Variants in KAZN observed in about 807,000 individuals in gnomAD.
KAZN encodes the protein kazrin.
In KAZN, 40 loss-of-function variants were observed where a neutral mutation model predicts 87.4. The observed-to-expected ratio is 0.46, with a 90% CI of 0.36 to 0.60. KAZN has a LOEUF of 0.60. Ranked by LOEUF, KAZN falls within the 20% of genes least tolerant of loss-of-function variation. The probability of loss-of-function intolerance (pLI) is 0.00; values close to 1 mark genes in which losing one functional copy is unlikely to be tolerated. For missense variants in KAZN, 898 were observed against 1,073.9 expected (o/e 0.84, Z 2.29); for synonymous variants, 466 against 458.3 (o/e 1.02, Z -0.22).
Position 14,870,200 on chromosome 1 carries a change from C to T in KAZN, c.227-90484C>T, listed in dbSNP as rs551840491. 6.2e-4 allele frequency among the ~76,000 whole-genome samples: 95 copies of T among 152,234 alleles called. 1 individual carries two copies. The highest frequency in any genetic ancestry group is 2.3e-3 in the African/African-American group (94 of 41,548). ...GGCCTGGATACTGGGAAAAATCAGA[C>T]CCTTCTACTCAAAACCAAAAGACCA... is the stretch of plus-strand genomic sequence containing the variant. On this transcript the variant is annotated intron_variant, in intron 1 of 14. Transcript: ENST00000376030.
chr1:14,742,964 C>T (rs1644151699), intron 1 of KAZN, among the ~76,000 whole-genome samples: 1 of 113,958 alleles, frequency 8.8e-6, no homozygotes. Context: ...ACAGATGCTC[C>T]TGCACTCACC....
intron 1 of KAZN, among the ~76,000 whole-genome samples, chr1:14,092,482 AAC>A (rs1203089526): frequency 3.3e-5 from 5 of 150,666 alleles, no homozygotes; most frequent in Admixed American, 6.6e-5. Context: ...ACACACACAC[AAC>A]ACACACATAT....
rs1039940341 is a variant in KAZN, at chr1:14,146,905, T to C, written c.92-33530T>C. ...ATCCTTGAACAACATAGGTTGGAAC[T>C]GTGTGGGTCCGCTTCTTCCACTTCT... On this transcript the variant is annotated intron_variant, in intron 1 of 16. Coordinates refer to the KAZN transcript ENST00000636203. Among the ~76,000 whole-genome samples, 9 of 152,164 alleles carry C rather than the reference T, an allele frequency of 5.9e-5. No individual in the cohort carries two copies. In the South Asian group the frequency reaches 8.3e-4, roughly 14 times the overall value.
At chr1:14,618,397 A>G (rs372099070) in intron 1 of KAZN, among the ~76,000 whole-genome samples, 3 of 152,220 alleles carry the variant, frequency 2.0e-5, no homozygotes, top group Admixed American at 1.3e-4. Context: ...TTTATTCTGT[A>G]CATATTTCTT....
chr1:14,032,434 G>A (rs1641367548), intron 1 of KAZN, among the ~76,000 whole-genome samples: 1 of 152,146 alleles, frequency 6.6e-6, no homozygotes, highest in Non-Finnish European at 1.5e-5. Context: ...CCCAGAGCCT[G>A]TGCCCTTAAC....
At chr1:14,838,530 A>G (rs1647552546) in intron 1 of KAZN, among the ~76,000 whole-genome samples, 1 of 152,162 alleles carries the variant, frequency 6.6e-6, no homozygotes, top group Admixed American at 6.5e-5. Flanking sequence ...GTTCAGCTTC[A>G]CAAAACCATG....
chr1:15,070,295 C>A (rs146862067), intron 8 of KAZN, among the ~76,000 whole-genome samples: 1 of 152,356 alleles, frequency 6.6e-6, no homozygotes, highest in East Asian at 1.9e-4. Flanking sequence ...TTTCCATCAG[C>A]CTTTTCCCCG....
intron 2 of KAZN, among the ~76,000 whole-genome samples, chr1:14,279,371 C>T (rs1212408552): frequency 1.3e-5 from 2 of 152,222 alleles, no homozygotes; most frequent in African/African-American, 4.8e-5. Flanking sequence ...CCTCTCCACC[C>T]TCATGTGCAC....
intron 1 of KAZN, among the ~76,000 whole-genome samples, chr1:14,726,372 T>G (rs540698565): frequency 6.6e-6 from 1 of 152,280 alleles, no homozygotes; most frequent in East Asian, 1.9e-4. Flanking sequence ...ATTGTCCCTG[T>G]TCCCCACCAG....
chr1:15,015,742 C>G (rs1465687967), intron 2 of KAZN, among the ~76,000 whole-genome samples: 3 of 152,146 alleles, frequency 2.0e-5, no homozygotes, highest in Non-Finnish European at 4.4e-5. Flanking sequence ...TGGTGACCAC[C>G]ATCCCTTCTG....
intron 1 of KAZN, among the ~76,000 whole-genome samples, chr1:14,165,694 G>A (rs1175956234): frequency 6.6e-6 from 1 of 152,180 alleles, no homozygotes; most frequent in African/African-American, 2.4e-5. Flanking sequence ...CCTCAGACTT[G>A]GAGCAGTTCT....
intron 2 of KAZN, among the ~76,000 whole-genome samples, chr1:14,563,897 CAG>C (rs1444906880): frequency 3.8e-5 from 1 of 26,130 alleles, no homozygotes; most frequent in South Asian, 2.0e-3. Flanking sequence ...TTGTCTGAGA[CAG>C]AGTCTTGCTC....
intron 2 of KAZN, among the ~76,000 whole-genome samples, chr1:14,326,854 T>C (rs962700933): frequency 1.1e-4 from 16 of 151,864 alleles, no homozygotes; most frequent in African/African-American, 3.9e-4. Context: ...ATTTTTCTGA[T>C]GATCCCACAT....
intron 1 of KAZN, among the ~76,000 whole-genome samples, chr1:14,052,608 G>A (rs540663017): frequency 1.3e-5 from 2 of 152,294 alleles, no homozygotes; most frequent in East Asian, 3.9e-4. Flanking sequence ...GGGGTCAAAT[G>A]CTTTGGGCCC....
chr1:14,401,812 TATAATTTAAAAAATAAAACCAA>T (rs1317116885), intron 2 of KAZN, among the ~76,000 whole-genome samples: 1 of 152,104 alleles, frequency 6.6e-6, no homozygotes, highest in East Asian at 1.9e-4. Context: ...CACACTTATT[TATAATTTAAAAAATAAAACCAA>T]ACACCTCTTA....
chr1:14,190,390 A>C (rs1429147506), intron 2 of KAZN, among the ~76,000 whole-genome samples: 2 of 152,122 alleles, frequency 1.3e-5, no homozygotes, highest in African/African-American at 4.8e-5. Flanking sequence ...TCTATTTTAC[A>C]GGTGAGGAAA....
At chr1:14,215,634 T>C (rs1189475572) in intron 2 of KAZN, among the ~76,000 whole-genome samples, 3 of 152,220 alleles carry the variant, frequency 2.0e-5, no homozygotes, top group Non-Finnish European at 2.9e-5. Context: ...AAAACTGCTA[T>C]AGGTCTGGCG....
rs137946214 is a variant in KAZN at position 14,577,777 on chromosome 1, T to C, written c.250-21206T>C. Reference sequence around the variant, plus strand: ...ATTCCTGACCATTGACAAAGCTTTTTCACATCCAGCAACACTTTGAATTTC... The same window carrying C: ...ATTCCTGACCATTGACAAAGCTTTTCCACATCCAGCAACACTTTGAATTTC... On this transcript the variant is annotated intron_variant, in intron 2 of 16. Transcript: ENST00000636203. 6.8e-3 allele frequency among the ~76,000 whole-genome samples: 1,029 copies of C among 152,332 alleles called. 15 individuals are homozygous for C. Among genetic ancestry groups the C allele is most frequent in the African/African-American group, 0.023 (967 of 41,568 alleles).
intron 2 of KAZN, among the ~76,000 whole-genome samples, chr1:14,589,007 G>A (rs909744602): frequency 7.2e-5 from 11 of 152,168 alleles, no homozygotes; most frequent in African/African-American, 2.7e-4. Context: ...GAACACCAGA[G>A]CAGGCAAGGG....
Sources: gnomAD v4.1 joint callset for allele counts (sites outside exome capture counted in the v4.1 genomes callset) on GRCh38, gnomAD v4.1.1 for gene constraint, MANE v1.5 for transcripts, NCBI Gene and HGNC (gene_info 2026-07-23, HGNC 2026-07-21) for gene names.